TLL2: variants seen among roughly 807,000 people sequenced by gnomAD.
The protein encoded by TLL2 is tolloid like 2.
In TLL2, 106 loss-of-function variants were observed where a neutral mutation model predicts 123.0. The ratio of observed to expected loss-of-function variants is 0.86; its 90% CI spans 0.74 to 1.01. The LOEUF (loss-of-function observed/expected upper bound fraction) is 1.01, where lower values mean the gene tolerates loss of function less well. TLL2 is among the 50% of genes least tolerant of loss of function. The pLI is 0.00. For missense variants in TLL2, 1,332 were observed against 1,336.7 expected (o/e 1.00, Z 0.06); for synonymous variants, 494 against 516.8 (o/e 0.96, Z 0.60).
At chr10:96,442,656 C>A (rs1303287335) in intron 3 of TLL2, among the ~76,000 whole-genome samples, 1 of 152,228 alleles carries the variant, frequency 6.6e-6, no homozygotes, top group Non-Finnish European at 1.5e-5. Flanking sequence ...GCACTGCTAT[C>A]ATCACCCTCC....
At chr10:96,500,209 T>C (rs1025561847) in intron 1 of TLL2, among the ~76,000 whole-genome samples, 1 of 147,248 alleles carries the variant, frequency 6.8e-6, no homozygotes, top group Non-Finnish European at 1.5e-5. Context: ...TCCCAGCTAC[T>C]CAGTAGGCCA....
At chr10:96,387,171 C>T in intron 13 of TLL2, 93 bp from the exon 14 acceptor site, 1 of 1,547,586 alleles carries the variant, frequency 6.5e-7, no homozygotes. Flanking sequence ...CAGCAAGTGT[C>T]CTCTAATAAA....
At chr10:96,414,372 C>T (rs1425706317) in intron 7 of TLL2, among the ~76,000 whole-genome samples, 3 of 152,312 alleles carry the variant, frequency 2.0e-5, no homozygotes, top group East Asian at 1.9e-4. Context: ...CCATCAGCAA[C>T]GGTCACCACT....
chr10:96,428,930 C>A (rs749536176), intron 4 of TLL2, among the ~76,000 whole-genome samples, 182 bp from the exon 5 acceptor site: 2 of 152,044 alleles, frequency 1.3e-5, no homozygotes, highest in Non-Finnish European at 2.9e-5. Context: ...TCAGCCTCCC[C>A]AGTAGCTGAA....
chr10:96,489,317 G>A (rs933007469), intron 1 of TLL2, among the ~76,000 whole-genome samples: 12 of 152,226 alleles, frequency 7.9e-5, no homozygotes, highest in African/African-American at 1.2e-4. Context: ...ACCTGAGCAC[G>A]GGAGTTTGAG....
rs929631933 is a variant in TLL2, at chr10:96,373,714, G to T, written c.2544C>A (p.Gly848=). The part of the protein sequence containing the change: ...DGPDSLAPIL[G]RFCGSKKPDP... ...CTGGTTTCTTGCTGCCGCAGAAACG[G>T]CCCAGAATGGGGGCCAGGCTGTCCG... is the stretch of plus-strand genomic sequence containing the variant. Residue 848 remains glycine, a synonymous_variant, in exon 19 of 21, where the codon GGC becomes GGA. Coordinates refer to ENST00000357947, the MANE Select transcript of TLL2 (RefSeq NM_012465.4). 6.8e-6 allele frequency: 11 copies of T among 1,614,248 alleles called. No individual in the cohort carries two copies. The highest frequency in any genetic ancestry group is 7.6e-6 in the Non-Finnish European group (9 of 1,180,040).
chr10:96,370,408 C>T (rs1846070916), intron 19 of TLL2, 93 bp from the exon 20 acceptor site: 5 of 1,447,540 alleles, frequency 3.5e-6, no homozygotes, highest in South Asian at 1.5e-5. Context: ...GAGCCTGGTG[C>T]GTGCCTGGCA....
Position 96,422,673 on chromosome 10 carries a change from C to T in TLL2, c.693G>A (p.Gly231=), listed in dbSNP as rs267602651. The change falls in exon 6 of 21, where the codon GGG becomes GGA. Residue 231 remains glycine (G), a synonymous_variant. Transcript: ENST00000357947. ...RGGGPQAISI[G]KNCDKFGIVA... ...CAATGCCAAACTTGTCACAGTTCTT[C>T]CCAATGGATATGGCCTGTGGGCCTC... 11 of 1,614,208 alleles carry T rather than the reference C, an allele frequency of 6.8e-6. No homozygotes were observed. In the African/African-American group the frequency reaches 1.3e-4, roughly 20 times the overall value.
At chr10:96,488,823 G>A (rs546916154) in intron 1 of TLL2, among the ~76,000 whole-genome samples, 1 of 152,322 alleles carries the variant, frequency 6.6e-6, no homozygotes, top group South Asian at 2.1e-4. Flanking sequence ...TGAACCAGCA[G>A]GGCCCACATG....
intron 13 of TLL2, among the ~76,000 whole-genome samples, chr10:96,392,490 CA>C (rs1199118143): frequency 6.6e-6 from 1 of 151,790 alleles, no homozygotes; most frequent in African/African-American, 2.4e-5. Context: ...GCCTAATCTC[CA>C]GCTTTAGCTG....
intron 2 of TLL2, among the ~76,000 whole-genome samples, chr10:96,469,264 T>C (rs1009840031): frequency 3.9e-5 from 6 of 152,246 alleles, no homozygotes; most frequent in African/African-American, 1.4e-4. Context: ...GGCTCCGATA[T>C]TGACTTGTGG....
intron 2 of TLL2, among the ~76,000 whole-genome samples, chr10:96,472,308 C>G (rs1377743250): frequency 6.6e-6 from 1 of 152,180 alleles, no homozygotes; most frequent in Non-Finnish European, 1.5e-5. Flanking sequence ...GGGAGCCCCC[C>G]ACTGACCCAT....
At chr10:96,432,267 C>T (rs927233727) in intron 4 of TLL2, among the ~76,000 whole-genome samples, 2 of 152,188 alleles carry the variant, frequency 1.3e-5, no homozygotes, top group Non-Finnish European at 2.9e-5. Flanking sequence ...TCCCCATTTA[C>T]AGAAGAGGGA....
Position 96,446,141 on chromosome 10 carries a change from C to T in TLL2, c.314G>A (p.Ser105Asn). ...TGGLEEQASE[S>N]SPDTTAMDTG... Reference sequence around the variant, plus strand: ...GTCCATGGCTGTGGTGTCTGGGCTGCTCTCAGATGCCTGCTCTTCAAGCCC... The same window carrying T: ...GTCCATGGCTGTGGTGTCTGGGCTGTTCTCAGATGCCTGCTCTTCAAGCCC... Residue 105 changes from serine to asparagine, a missense_variant, in exon 3 of 21, where the codon AGC (serine) becomes AAC (asparagine). Physicochemically the swap from Ser to Asn is conservative, Grantham distance 46 (BLOSUM62 1). Coordinates refer to ENST00000357947, the MANE Select transcript of TLL2 (RefSeq NM_012465.4). The T allele has an allele frequency of 6.2e-7, 1 of 1,614,144 alleles. No individual in the cohort carries two copies. The highest frequency in any genetic ancestry group is 1.1e-5 in the South Asian group (1 of 91,064).
intron 1 of TLL2, 35 bp from the exon 2 acceptor site, chr10:96,480,494 C>T (rs1272057968): frequency 6.5e-7 from 1 of 1,548,588 alleles, no homozygotes. Flanking sequence ...TGAATTTATG[C>T]TAGAAGTCAA....
chr10:96,491,601 A>T (rs1847414136), intron 1 of TLL2, among the ~76,000 whole-genome samples: 1 of 152,186 alleles, frequency 6.6e-6, no homozygotes, highest in Non-Finnish European at 1.5e-5. Flanking sequence ...TCAAAAATTG[A>T]AATCTTTATA....
chr10:96,477,847 C>T lies in TLL2; in HGVS notation c.286+2502G>A, dbSNP rs148042644. 3.0e-3 allele frequency among the ~76,000 whole-genome samples: 459 copies of T among 152,260 alleles called. 3 individuals are homozygous for T. The highest frequency in any genetic ancestry group is 0.01 in the African/African-American group (434 of 41,556). ...TCTGGATCTCTAAGGCCCTGGGAGA[C>T]GGCTCCAGGGTCTGCCATCTTCATC... On this transcript the variant is annotated intron_variant, in intron 2 of 20. Coordinates refer to ENST00000357947, the MANE Select transcript of TLL2 (RefSeq NM_012465.4).
chr10:96,382,393 G>T (rs1846194179), intron 16 of TLL2, among the ~76,000 whole-genome samples: 1 of 152,198 alleles, frequency 6.6e-6, no homozygotes. Flanking sequence ...AACAGGCTCT[G>T]TGCTATTGCA....
intron 2 of TLL2, among the ~76,000 whole-genome samples, chr10:96,475,067 G>A (rs1487465997): frequency 6.6e-6 from 1 of 152,218 alleles, no homozygotes; most frequent in Non-Finnish European, 1.5e-5. Context: ...GATTCTATTT[G>A]CAAATAAGAT....
Sources: gnomAD v4.1 joint callset for allele counts (sites outside exome capture counted in the v4.1 genomes callset) on GRCh38, gnomAD v4.1.1 for gene constraint, MANE v1.5 for transcripts, NCBI Gene and HGNC (gene_info 2026-07-23, HGNC 2026-07-21) for gene names.